Variants in PPP1R12B observed in about 807,000 individuals in gnomAD.
The protein encoded by PPP1R12B is protein phosphatase 1 regulatory subunit 12B, also known as myosin phosphatase target subunit 2.
A neutral mutation model predicts 126.1 loss-of-function variants in PPP1R12B; 76 were observed. That is an observed-to-expected ratio of 0.60 (90% CI 0.50 to 0.73). The LOEUF is 0.73. PPP1R12B is among the 30% of genes least tolerant of loss of function. The probability of loss-of-function intolerance (pLI) is 0.00; values close to 1 mark genes in which losing one functional copy is unlikely to be tolerated. For missense variants in PPP1R12B, 1,052 were observed against 1,205.1 expected, an observed-to-expected ratio of 0.87 and a Z score of 1.88; for synonymous variants, 356 against 434.7, an observed-to-expected ratio of 0.82 and a Z score of 2.25.
chr1:202,567,562 C>G (rs1377929474), intron 21 of PPP1R12B: 5 of 546,782 alleles, frequency 9.1e-6, no homozygotes, highest in Non-Finnish European at 1.6e-5. Flanking sequence ...CTACTGCCTT[C>G]CCCTCCCCAG....
At chr1:202,539,094 GC>G (rs1204101632) in intron 18 of PPP1R12B, among the ~76,000 whole-genome samples, 1 of 152,152 alleles carries the variant, frequency 6.6e-6, no homozygotes, top group Non-Finnish European at 1.5e-5. Context: ...AACATTAAGG[GC>G]CTGAAGGTGC....
intron 12 of PPP1R12B, among the ~76,000 whole-genome samples, chr1:202,446,056 G>T (rs1298307995): frequency 6.6e-6 from 1 of 151,730 alleles, no homozygotes; most frequent in East Asian, 1.9e-4. Flanking sequence ...ATTCAGCCAG[G>T]AGGGAAGGGT....
At chr1:202,350,062 T>C (rs1655665137) in intron 1 of PPP1R12B, among the ~76,000 whole-genome samples, 2 of 152,348 alleles carry the variant, frequency 1.3e-5, no homozygotes, top group Non-Finnish European at 2.9e-5. Flanking sequence ...ATTTTTCTTC[T>C]TCTGCCGTCT....
chr1:202,397,384 A>T (rs1430735408), intron 1 of PPP1R12B, among the ~76,000 whole-genome samples: 2 of 152,050 alleles, frequency 1.3e-5, no homozygotes, highest in African/African-American at 2.4e-5. Flanking sequence ...TTACTCACTC[A>T]TCCTTTCCTA....
intron 1 of PPP1R12B, among the ~76,000 whole-genome samples, chr1:202,350,636 T>G (rs1655776257): frequency 6.6e-6 from 1 of 152,014 alleles, no homozygotes; most frequent in Non-Finnish European, 1.5e-5. Flanking sequence ...TTTTTTTTTT[T>G]TTGATTCAGA....
Position 202,581,281 on chromosome 1 carries a change from C to A in PPP1R12B, c.*721C>A, listed in dbSNP as rs1689533770. On this transcript the variant is annotated 3_prime_UTR_variant, in exon 24 of 24. Transcript: ENST00000608999. ...CCTTTTATATTTTTCCCTTCCCCACCCCCTCACTCAATGGTATAAAAGCTA... is the reference window on the plus strand; with the variant it reads ...CCTTTTATATTTTTCCCTTCCCCACACCCTCACTCAATGGTATAAAAGCTA... 1 of 152,588 alleles carries A rather than the reference C, an allele frequency of 6.6e-6. No individual in the cohort carries two copies. The highest frequency in any genetic ancestry group is 2.4e-5 in the African/African-American group (1 of 41,398). The allele number at this position is 152,588 out of a possible 1,614,324, so 9.5% of individuals were successfully genotyped here. A position where few individuals can be genotyped will look rare whatever the true frequency, so the allele number is the denominator to read the frequency against.
chr1:202,468,308 G>T (rs1675332865), intron 13 of PPP1R12B, among the ~76,000 whole-genome samples: 5 of 152,028 alleles, frequency 3.3e-5, no homozygotes, highest in African/African-American at 1.2e-4. Flanking sequence ...CCATGCCTAT[G>T]TCCTGAATGG....
intron 1 of PPP1R12B, among the ~76,000 whole-genome samples, chr1:202,402,313 A>C (rs866664900): frequency 1.3e-5 from 2 of 152,238 alleles, no homozygotes; most frequent in South Asian, 2.1e-4. Flanking sequence ...CCAGTAAGCT[A>C]GTCGGGGAGA....
At position 202,584,537 on chromosome 1, in the gene PPP1R12B, G is replaced by A. The variant is rs1456645021; in HGVS notation, c.*3977G>A. 1 of 152,220 alleles carries A rather than the reference G, an allele frequency of 6.6e-6. No individual in the cohort carries two copies. The highest frequency in any genetic ancestry group is 1.9e-4 in the East Asian group (1 of 5,198). The allele number at this position is 152,220 out of a possible 1,614,324, so 9.4% of individuals were successfully genotyped here. ...CTCTCAAAGCCATGTACTTTGTTAG[G>A]TGTCTGGATTTTTGGCCTGTTTGCA... On this transcript the variant is annotated 3_prime_UTR_variant, in exon 24 of 24. Coordinates refer to ENST00000608999, the MANE Select transcript of PPP1R12B (RefSeq NM_002481.4).
At chr1:202,382,812 G>A (rs1558157022) in intron 1 of PPP1R12B, among the ~76,000 whole-genome samples, 1 of 151,518 alleles carries the variant, frequency 6.6e-6, no homozygotes, top group Non-Finnish European at 1.5e-5. Flanking sequence ...GGAGCCAGAG[G>A]TTACAGTGAG....
At chr1:202,558,341 G>A (rs1448815273) in intron 18 of PPP1R12B, among the ~76,000 whole-genome samples, 1 of 151,654 alleles carries the variant, frequency 6.6e-6, no homozygotes, top group Admixed American at 6.6e-5. Flanking sequence ...AAGGATGGGA[G>A]TTTCTCCCCT....
chr1:202,459,012 C>T (rs891741851), intron 13 of PPP1R12B, among the ~76,000 whole-genome samples: 1 of 152,190 alleles, frequency 6.6e-6, no homozygotes, highest in African/African-American at 2.4e-5. Flanking sequence ...GCTGGCTCTC[C>T]TTTTCTGAGA....
At chr1:202,387,094 T>C (rs1234542253) in intron 1 of PPP1R12B, among the ~76,000 whole-genome samples, 1 of 152,240 alleles carries the variant, frequency 6.6e-6, no homozygotes, top group Non-Finnish European at 1.5e-5. Context: ...CTTCTGGTAC[T>C]TGCTGTGGTC....
chr1:202,442,542 C>T lies in PPP1R12B; in HGVS notation c.1637C>T (p.Pro546Leu). ...AATGAAATCCCACAGACAATTGCTC[C>T]CTCCACCTATGTATCAACTTACTTG... ...KGNEIPQTIA[P>L]STYVSTYLKR... Residue 546 changes from proline (P) to leucine (L), a missense_variant, in exon 12 of 24, where the codon CCC (proline) becomes CTC (leucine). Coordinates refer to ENST00000608999, the MANE Select transcript of PPP1R12B (RefSeq NM_002481.4). 6.2e-7 allele frequency: 1 copy of T among 1,613,188 alleles called. No individual in the cohort carries two copies. The highest frequency in any genetic ancestry group is 8.5e-7 in the Non-Finnish European group (1 of 1,179,742).
At chr1:202,579,266 A>C (rs1432654969) in intron 23 of PPP1R12B, among the ~76,000 whole-genome samples, 1 of 152,206 alleles carries the variant, frequency 6.6e-6, no homozygotes, top group African/African-American at 2.4e-5. Flanking sequence ...TAGATCTCCT[A>C]AGTGGTTAAT....
At chr1:202,362,577 G>T (rs1213696251) in intron 1 of PPP1R12B, among the ~76,000 whole-genome samples, 1 of 151,038 alleles carries the variant, frequency 6.6e-6, no homozygotes, top group African/African-American at 2.4e-5. Context: ...CCAGTTTTCA[G>T]TTGAGAGTGG....
At chr1:202,519,807 T>C (rs1682577318) in intron 18 of PPP1R12B, among the ~76,000 whole-genome samples, 1 of 152,172 alleles carries the variant, frequency 6.6e-6, no homozygotes, top group Non-Finnish European at 1.5e-5. Context: ...TCTTTTTTGG[T>C]CTTCTCAGCT....
At chr1:202,439,400 G>A in intron 10 of PPP1R12B, 1 of 1,240,154 alleles carries the variant, frequency 8.1e-7, no homozygotes, top group Non-Finnish European at 1.2e-6. Flanking sequence ...CGGCACAGCG[G>A]AGCACGGAGA....
chr1:202,364,713 A>G (rs1017573592), intron 1 of PPP1R12B, among the ~76,000 whole-genome samples: 1 of 152,042 alleles, frequency 6.6e-6, no homozygotes, highest in Non-Finnish European at 1.5e-5. Context: ...AGTAGCTGGG[A>G]CTACAGGCGC....
Sources: gnomAD v4.1 joint callset for allele counts (sites outside exome capture counted in the v4.1 genomes callset) on GRCh38, gnomAD v4.1.1 for gene constraint, MANE v1.5 for transcripts, NCBI Gene and HGNC (gene_info 2026-07-23, HGNC 2026-07-21) for gene names.